Variants in CABP1 observed in about 807,000 individuals in gnomAD.
The protein encoded by CABP1 is calcium-binding protein 1.
In CABP1, 17 loss-of-function variants were observed where a neutral mutation model predicts 34.3. The observed-to-expected ratio is 0.50, with a 90% CI of 0.34 to 0.74. CABP1 has a LOEUF of 0.74. Among genes scored for constraint, CABP1 ranks in the 30% least tolerant of loss-of-function variants. The pLI, the probability that CABP1 is intolerant of heterozygous loss-of-function variation, is 0.01. For missense variants in CABP1, 373 were observed against 511.1 expected (o/e 0.73, Z 2.61); for synonymous variants, 198 against 229.2 (o/e 0.86, Z 1.23).
intron 5 of CABP1, chr12:120,662,086 C>T (rs1462233000): frequency 6.6e-6 from 1 of 152,364 alleles, no homozygotes; most frequent in East Asian, 1.9e-4. Context: ...ATCTACTCAT[C>T]CATTCACCCA....
At chr12:120,652,939 T>C (rs1055063723) in intron 1 of CABP1, among the ~76,000 whole-genome samples, 3 of 152,028 alleles carry the variant, frequency 2.0e-5, no homozygotes, top group African/African-American at 7.2e-5. Context: ...CTGGAAATGG[T>C]GAGAGGCAGC....
At chr12:120,644,909 A>G (rs146649867) in intron 1 of CABP1, among the ~76,000 whole-genome samples, 11 of 152,324 alleles carry the variant, frequency 7.2e-5, no homozygotes, top group African/African-American at 2.6e-4. Flanking sequence ...GATTCAAGCC[A>G]TTCACGTGCT....
chr12:120,650,666 G>T, intron 1 of CABP1: 1 of 1,614,144 alleles, frequency 6.2e-7, no homozygotes. Flanking sequence ...TATCCACTGA[G>T]AAATCTCTCA....
At chr12:120,674,692 A>G in the CABP1 span, among the ~76,000 whole-genome samples, 3 of 152,282 alleles carry the variant, frequency 2.0e-5, no homozygotes, top group South Asian at 6.2e-4. Context: ...AGTTCAGACC[A>G]GCCTGGCCAA....
chr12:120,671,020 C>T (rs1028384265), downstream of CABP1, among the ~76,000 whole-genome samples: 4 of 152,036 alleles, frequency 2.6e-5, no homozygotes, highest in African/African-American at 9.7e-5. Flanking sequence ...AGCCTAGAGC[C>T]CTGGAGGTAC....
Position 120,661,228 on chromosome 12 carries a change from G to T in CABP1, c.1087+10G>T. On this transcript the variant is annotated intron_variant, in intron 5 of 5. Transcript: ENST00000316803. The surrounding 1 kb of genome is among the most constrained non-coding windows in gnomAD (Gnocchi z 5.1). Reference sequence around the variant, plus strand: ...CGAGTGGACTTTGAAGGTAGGTGGGGCTTGAAAGTGGGAGAGAAGCAAGCC... The same window carrying T: ...CGAGTGGACTTTGAAGGTAGGTGGGTCTTGAAAGTGGGAGAGAAGCAAGCC... The T allele has an allele frequency of 6.2e-7, 1 of 1,602,162 alleles. No homozygotes were observed. Among genetic ancestry groups the T allele is most frequent in the South Asian group, 1.1e-5 (1 of 90,898 alleles).
chr12:120,673,617 C>A, the CABP1 span, among the ~76,000 whole-genome samples: 1 of 151,878 alleles, frequency 6.6e-6, no homozygotes, highest in African/African-American at 2.4e-5. Context: ...CTAAAAAAAA[C>A]CAAGTGCAGG....
At chr12:120,643,823 T>C (rs1358298059) in intron 1 of CABP1, among the ~76,000 whole-genome samples, 1 of 152,260 alleles carries the variant, frequency 6.6e-6, no homozygotes, top group Non-Finnish European at 1.5e-5. Flanking sequence ...GGCCCAGGCC[T>C]GGCACGGAGC....
intron 1 of CABP1, chr12:120,655,705 T>A (rs1363553600): frequency 1.4e-6 from 2 of 1,433,966 alleles, no homozygotes; most frequent in South Asian, 1.5e-5. Flanking sequence ...TGGGAAAGGA[T>A]GTTGTCTCAT....
chr12:120,642,394 C>CT (rs2137324754), intron 1 of CABP1, among the ~76,000 whole-genome samples: 1 of 152,286 alleles, frequency 6.6e-6, no homozygotes, highest in East Asian at 1.9e-4. Flanking sequence ...CAAGGAGGCC[C>CT]TGTGTGTTTT....
intron 5 of CABP1, chr12:120,662,039 T>C (rs1227820692): frequency 1.3e-5 from 2 of 152,306 alleles, no homozygotes; most frequent in East Asian, 1.9e-4. Flanking sequence ...CATTGATCTA[T>C]CCATCTATCT....
intron 1 of CABP1, among the ~76,000 whole-genome samples, chr12:120,658,454 A>G (rs760367180): frequency 1.8e-4 from 27 of 151,772 alleles, no homozygotes; most frequent in Non-Finnish European, 3.7e-4. Context: ...ACGCCTCCCT[A>G]TGGGTGACTC....
At chr12:120,655,558 G>A in intron 1 of CABP1, 1 of 1,243,468 alleles carries the variant, frequency 8.0e-7, no homozygotes, top group Non-Finnish European at 1.0e-6. Flanking sequence ...AGCCAAGCCT[G>A]GTCTCCATGC....
At chr12:120,677,667 G>A in the CABP1 span, among the ~76,000 whole-genome samples, 1 of 152,146 alleles carries the variant, frequency 6.6e-6, no homozygotes, top group Non-Finnish European at 1.5e-5. Context: ...TCAGCCTCCT[G>A]AAGTGTTGGA....
intron 5 of CABP1, among the ~76,000 whole-genome samples, chr12:120,665,130 A>C (rs754459079): frequency 2.8e-4 from 43 of 152,164 alleles, no homozygotes; most frequent in Non-Finnish European, 5.0e-4. Flanking sequence ...CAGTGAAACT[A>C]TTCTGTATGA....
chr12:120,656,199 G>T (rs1291750183), intron 1 of CABP1: 4 of 1,610,994 alleles, frequency 2.5e-6, no homozygotes, highest in Non-Finnish European at 3.4e-6. Context: ...GCCCAGAACT[G>T]CGCAGTCATG....
the CABP1 span, among the ~76,000 whole-genome samples, chr12:120,674,813 C>T: frequency 6.6e-6 from 1 of 151,608 alleles, no homozygotes; most frequent in South Asian, 2.1e-4. Context: ...ATCGCTTGAA[C>T]CCGGGAGGCA....
At chr12:120,652,188 G>GT (rs1442322059) in intron 1 of CABP1, among the ~76,000 whole-genome samples, 1 of 152,182 alleles carries the variant, frequency 6.6e-6, no homozygotes, top group East Asian at 1.9e-4. Flanking sequence ...CTGGCCTATA[G>GT]TAGTCAATAA....
intron 5 of CABP1, among the ~76,000 whole-genome samples, chr12:120,666,651 A>G (rs899151350): frequency 2.6e-5 from 4 of 152,030 alleles, no homozygotes; most frequent in African/African-American, 9.7e-5. Flanking sequence ...GTGTCAGGAT[A>G]TTGGAGATTT....
Sources: allele counts gnomAD v4.1 joint callset (sites outside exome capture counted in the v4.1 genomes callset), GRCh38; gene constraint gnomAD v4.1.1; non-coding constraint Gnocchi (gnomAD v3.1); transcripts MANE v1.5; gene names NCBI Gene and HGNC (gene_info 2026-07-23, HGNC 2026-07-21).